The following KCNQ1 variants were observed in gnomAD, a reference collection of about 807,000 sequenced individuals.
The protein encoded by KCNQ1 is potassium voltage-gated channel subfamily Q member 1, also known as potassium voltage-gated channel subfamily KQT member 1.
KCNQ1 carries 49 observed loss-of-function variants against 72.4 expected under a neutral mutation model. The observed-to-expected ratio is 0.68, with a 90% CI of 0.54 to 0.86. The LOEUF is 0.86. Among genes scored for constraint, KCNQ1 ranks in the 40% least tolerant of loss-of-function variants. KCNQ1 has a pLI of 0.00. For synonymous variants in KCNQ1, 450 were observed against 412.6 expected (o/e 1.09, Z -1.10); for missense variants, 790 against 945.1 (o/e 0.84, Z 2.15).
intron 10 of KCNQ1, chr11:2,635,592 G>T (rs1056398421): frequency 6.6e-6 from 1 of 152,188 alleles, no homozygotes; most frequent in Admixed American, 6.5e-5. Context: ...TAGCCTTGTA[G>T]TATAGTTTGA....
At chr11:2,522,796 C>A (rs1219745237) in intron 1 of KCNQ1, among the ~76,000 whole-genome samples, 2 of 152,232 alleles carry the variant, frequency 1.3e-5, no homozygotes, top group Admixed American at 6.5e-5. Flanking sequence ...GGCCTGGAGC[C>A]CTGTCTTCTG....
chr11:2,790,365 G>A (rs542628779), intron 15 of KCNQ1, among the ~76,000 whole-genome samples: 2 of 152,272 alleles, frequency 1.3e-5, no homozygotes, highest in Non-Finnish European at 2.9e-5. Context: ...TGAGACAGCC[G>A]GGCCAAGCCC....
In KCNQ1 at chr11:2,766,531, C is replaced by T. The variant is rs1846500766; in HGVS notation, c.1515-2313C>T. Reference sequence around the variant, plus strand: ...GCTTCAGAAGACATGATCATTTCCACCATGGTGGAGATAGACTCTAGCCTG... The same window carrying T: ...GCTTCAGAAGACATGATCATTTCCATCATGGTGGAGATAGACTCTAGCCTG... On this transcript the variant is annotated intron_variant, in intron 11 of 15. Transcript: ENST00000155840. The surrounding 1 kb of genome is among the most constrained non-coding windows in gnomAD (Gnocchi z 4.4). Among the ~76,000 whole-genome samples the T allele has an allele frequency of 6.6e-6, 1 of 152,176 alleles. No homozygotes were observed. The highest frequency in any genetic ancestry group is 2.1e-4 in the South Asian group (1 of 4,822).
intron 10 of KCNQ1, chr11:2,614,107 C>T: frequency 2.5e-6 from 1 of 398,510 alleles, no homozygotes; most frequent in South Asian, 1.3e-4. Flanking sequence ...CAGCTATGCT[C>T]ACCATTCTTT....
At chr11:2,616,646 A>G in intron 10 of KCNQ1, 1 of 398,256 alleles carries the variant, frequency 2.5e-6, no homozygotes, top group Non-Finnish European at 4.4e-6. Context: ...CTTTGACACA[A>G]TAATTTTTAA....
At chr11:2,557,311 T>A (rs566941065) in intron 2 of KCNQ1, among the ~76,000 whole-genome samples, 72 of 152,296 alleles carry the variant, frequency 4.7e-4, no homozygotes, top group African/African-American at 1.6e-3. Flanking sequence ...CTATTGAAAA[T>A]CTGCAAGGAC....
Position 2,562,673 on chromosome 11 carries a change from A to G in KCNQ1, c.478-7955A>G, listed in dbSNP as rs928694323. ...CCCCATCTTGGCCTGATGAGGCCTC[A>G]TTGTCTCCTAAAAAGTGTGGGTACA... On this transcript the variant is annotated intron_variant, in intron 2 of 15. Coordinates refer to ENST00000155840, the MANE Select transcript of KCNQ1 (RefSeq NM_000218.3). The surrounding 1 kb of genome is among the most constrained non-coding windows in gnomAD (Gnocchi z 7.5). Among the ~76,000 whole-genome samples the G allele has an allele frequency of 3.5e-4, 54 of 152,222 alleles. No homozygotes were observed. The highest frequency in any genetic ancestry group is 1.3e-3 in the African/African-American group (54 of 41,548).
intron 11 of KCNQ1, chr11:2,696,042 A>AGT (rs1850671121): frequency 7.5e-6 from 3 of 398,498 alleles, no homozygotes; most frequent in Non-Finnish European, 1.3e-5. Context: ...TTGTTTCCTT[A>AGT]GTATTATTAT....
In KCNQ1 at chr11:2,600,511, T is replaced by C. The variant is rs1431582120; in HGVS notation, c.1393+11657T>C. ...CATGTTTTTCTGAAACATCTGTGAG[T>C]TGCATACTCCACAGCTCTTTGCCCC... On this transcript the variant is annotated intron_variant, in intron 10 of 15. Coordinates refer to ENST00000155840, the MANE Select transcript of KCNQ1 (RefSeq NM_000218.3). This position sits in a 1 kb window ranked among gnomAD's most constrained non-coding sequence, Gnocchi z 5.6. Among the ~76,000 whole-genome samples, 6 of 152,274 alleles carry C rather than the reference T, an allele frequency of 3.9e-5. No individual in the cohort carries two copies. Among genetic ancestry groups the C allele is most frequent in the African/African-American group, 1.4e-4 (6 of 41,474 alleles).
At chr11:2,705,052 G>T (rs1850883506) in intron 11 of KCNQ1, among the ~76,000 whole-genome samples, 1 of 152,202 alleles carries the variant, frequency 6.6e-6, no homozygotes, top group African/African-American at 2.4e-5. Context: ...CAGGCTGACA[G>T]AGTGTGACAG....
chr11:2,807,381 G>T (rs879571554), intron 15 of KCNQ1, among the ~76,000 whole-genome samples: 28 of 152,160 alleles, frequency 1.8e-4, no homozygotes, highest in Non-Finnish European at 3.2e-4. Context: ...ACCAGATAAG[G>T]CCGGGAGGGG....
chr11:2,452,505 C>T (rs1402164389), intron 1 of KCNQ1, among the ~76,000 whole-genome samples: 1 of 147,948 alleles, frequency 6.8e-6, no homozygotes. Context: ...GGCATCCCCA[C>T]CCTGCCCCAA....
Position 2,479,169 on chromosome 11 carries a change from C to T in KCNQ1, c.386+33685C>T, listed in dbSNP as rs1434295452. 6.6e-6 allele frequency among the ~76,000 whole-genome samples: 1 copy of T among 152,188 alleles called. No individual in the cohort carries two copies. The highest frequency in any genetic ancestry group is 1.5e-5 in the Non-Finnish European group (1 of 68,040). ...ACAGGCTGGCATTGAGTGTCTGCAG[C>T]TTTTCCAGGCACATGGTGCAAGCTG... On this transcript the variant is annotated intron_variant, in intron 1 of 15. Transcript: ENST00000155840. The surrounding 1 kb of genome is among the most constrained non-coding windows in gnomAD (Gnocchi z 4.6).
At chr11:2,487,206 G>T (rs748637239) in intron 1 of KCNQ1, among the ~76,000 whole-genome samples, 1 of 152,070 alleles carries the variant, frequency 6.6e-6, no homozygotes, top group Non-Finnish European at 1.5e-5. Flanking sequence ...TTATTTCTGG[G>T]CTGTCTCATG....
Position 2,677,476 on chromosome 11 carries a change from G to A in KCNQ1, c.1514+15395G>A. 1 of 398,514 alleles carries A rather than the reference G, an allele frequency of 2.5e-6. No homozygotes were observed. Among genetic ancestry groups the A allele is most frequent in the Non-Finnish European group, 4.4e-6 (1 of 226,040 alleles). The allele number at this position is 398,514 out of a possible 1,614,324, so 24.7% of individuals were successfully genotyped here. A position where few individuals can be genotyped will look rare whatever the true frequency, so the allele number is the denominator to read the frequency against. On this transcript the variant is annotated intron_variant, in intron 11 of 15. Coordinates refer to ENST00000155840, the MANE Select transcript of KCNQ1 (RefSeq NM_000218.3). The surrounding 1 kb of genome is among the most constrained non-coding windows in gnomAD (Gnocchi z 4.5). ...CCTCTTGGTCAAGCAGTGAAACCAT[G>A]CCATACTTCTACAAAAAATGATCCT...
At chr11:2,800,780 C>T (rs1044907190) in intron 15 of KCNQ1, among the ~76,000 whole-genome samples, 18 of 152,182 alleles carry the variant, frequency 1.2e-4, no homozygotes, top group African/African-American at 3.1e-4. Flanking sequence ...CCATTGAGCA[C>T]GGAGAAGAGC....
intron 1 of KCNQ1, among the ~76,000 whole-genome samples, chr11:2,499,800 A>G (rs1341782149): frequency 1.3e-5 from 2 of 152,248 alleles, no homozygotes; most frequent in Non-Finnish European, 2.9e-5. Context: ...CTTAATCTGC[A>G]CTGTAGACCA....
At chr11:2,633,249 G>A (rs1589993571) in intron 10 of KCNQ1, 1 of 398,430 alleles carries the variant, frequency 2.5e-6, no homozygotes, top group Non-Finnish European at 4.4e-6. Context: ...GTTTTTTGCT[G>A]TTGAATTGTT....
intron 2 of KCNQ1, among the ~76,000 whole-genome samples, chr11:2,539,786 A>G (rs1190814790): frequency 1.3e-5 from 2 of 152,164 alleles, no homozygotes; most frequent in South Asian, 2.1e-4. Flanking sequence ...GTGTGCGGCC[A>G]TGGGGACAGG....
Sources: gnomAD v4.1 joint callset for allele counts (sites outside exome capture counted in the v4.1 genomes callset) on GRCh38, gnomAD v4.1.1 for gene constraint, Gnocchi (gnomAD v3.1) non-coding constraint, MANE v1.5 for transcripts, NCBI Gene and HGNC (gene_info 2026-07-23, HGNC 2026-07-21) for gene names.